The following TULP4 variants were observed in gnomAD, a reference collection of about 807,000 sequenced individuals.
TULP4 encodes the protein TUB like protein 4.
In TULP4, 16 loss-of-function variants were observed where a neutral mutation model predicts 129.0. The ratio of observed to expected loss-of-function variants is 0.12; its 90% CI spans 0.08 to 0.19. The LOEUF (loss-of-function observed/expected upper bound fraction) is 0.19. Ranked by LOEUF, TULP4 falls within the 10% of genes least tolerant of loss-of-function variation. TULP4 has a pLI of 1.00. For synonymous variants in TULP4, 998 were observed against 854.0 expected (o/e 1.17, Z -2.94); for missense variants, 1,842 against 2,059.1 (o/e 0.89, Z 2.04).
Position 158,423,330 on chromosome 6 carries a change from G to A in TULP4, c.382-6406G>A, listed in dbSNP as rs1317815599. On this transcript the variant is annotated intron_variant, in intron 2 of 13. Coordinates refer to ENST00000367097, the MANE Select transcript of TULP4 (RefSeq NM_020245.5). ...AGACTTCATCGAAATTTAATGATACGAAGTTACAGTTAGACAGGAAAATAA... is the reference window on the plus strand; with the variant it reads ...AGACTTCATCGAAATTTAATGATACAAAGTTACAGTTAGACAGGAAAATAA... Among the ~76,000 whole-genome samples, 4 of 152,182 alleles carry A rather than the reference G, an allele frequency of 2.6e-5. No individual in the cohort carries two copies. In the East Asian group the frequency reaches 7.7e-4, roughly 29 times the overall value.
At chr6:158,393,265 C>T (rs2114955534) in intron 1 of TULP4, among the ~76,000 whole-genome samples, 1 of 152,276 alleles carries the variant, frequency 6.6e-6, no homozygotes, top group South Asian at 2.1e-4. Flanking sequence ...AGGGTACAGC[C>T]CCCATGGCTG....
In TULP4 at chr6:158,331,780, C is replaced by CGTGTATAT. The variant is rs1450332063; in HGVS notation, c.252+17512_252+17513insGTGTATAT. 9.7e-4 allele frequency among the ~76,000 whole-genome samples: 44 copies of CGTGTATAT among 45,440 alleles called. 1 individual carries two copies. Among genetic ancestry groups the CGTGTATAT allele is most frequent in the Admixed American group, 1.3e-3 (4 of 2,970 alleles). 29.8% of individuals were successfully genotyped at this position (45,440 alleles called of 152,430 possible). A position where few individuals can be genotyped will look rare whatever the true frequency, so the allele number is the denominator to read the frequency against. On this transcript the variant is annotated intron_variant, in intron 1 of 13. Transcript: ENST00000367097. ...ACGTGTATATATACACGTATATATA[C>CGTGTATAT]ACACACACATACCTACATACACACA... is the stretch of plus-strand genomic sequence containing the variant.
upstream of TULP4, among the ~76,000 whole-genome samples, chr6:158,308,768 C>A (rs1475158211): frequency 7.1e-6 from 1 of 140,876 alleles, no homozygotes; most frequent in South Asian, 2.3e-4. Flanking sequence ...CTGACCCCCC[C>A]ACCTCCCTCC....
At chr6:158,425,695 C>T (rs564193254) in intron 2 of TULP4, among the ~76,000 whole-genome samples, 1 of 151,830 alleles carries the variant, frequency 6.6e-6, no homozygotes, top group Non-Finnish European at 1.5e-5. Flanking sequence ...CCTCCACCTC[C>T]CAGGTTCAAG....
chr6:158,259,186 C>T (rs573502250), intron 1 of TULP4, among the ~76,000 whole-genome samples: 21 of 152,302 alleles, frequency 1.4e-4, no homozygotes, highest in African/African-American at 4.6e-4. Flanking sequence ...GCCGAGGTTG[C>T]GCCATTGCAC....
intron 5 of TULP4, among the ~76,000 whole-genome samples, chr6:158,457,439 C>T (rs188368035): frequency 2.0e-5 from 3 of 152,274 alleles, no homozygotes; most frequent in East Asian, 1.9e-4. Flanking sequence ...TTTGCTTGGC[C>T]GTGGTTTGCT....
intron 1 of TULP4, among the ~76,000 whole-genome samples, chr6:158,283,286 A>C (rs903553198): frequency 2.6e-5 from 4 of 152,206 alleles, no homozygotes; most frequent in African/African-American, 9.7e-5. Context: ...TTATTGTTGT[A>C]ATAAAAGAAA....
chr6:158,372,713 A>G (rs1396456281), intron 1 of TULP4, among the ~76,000 whole-genome samples: 1 of 152,150 alleles, frequency 6.6e-6, no homozygotes, highest in Non-Finnish European at 1.5e-5. Context: ...CATGGCCCCC[A>G]TTGGCAATCA....
intron 8 of TULP4, among the ~76,000 whole-genome samples, chr6:158,487,865 A>G (rs1049295126): frequency 2.6e-5 from 4 of 152,234 alleles, no homozygotes; most frequent in African/African-American, 9.6e-5. Flanking sequence ...GAAAGTATTT[A>G]TCAAGTCTCA....
At position 158,503,979 on chromosome 6, in the gene TULP4, C is replaced by G; in HGVS notation, c.4316C>G (p.Ala1439Gly). The G allele has an allele frequency of 6.2e-7, 1 of 1,612,910 alleles. No individual in the cohort carries two copies. Among genetic ancestry groups the G allele is most frequent in the East Asian group, 2.2e-5 (1 of 44,868 alleles). Residue 1439 changes from alanine to glycine, a missense_variant, in exon 13 of 14, where the codon GCC becomes GGC. By Grantham distance (60) the Ala-to-Gly change is moderately conservative. This residue lies in a region of TULP4 where 1,089 missense variants were observed against 987.1 expected (regional missense o/e 1.10). Coordinates refer to ENST00000367097, the MANE Select transcript of TULP4 (RefSeq NM_020245.5). The surrounding 1 kb of genome is among the most constrained non-coding windows in gnomAD (Gnocchi z 4.3). ...AAAAGCAAGCGCTCCCCACGGGCCG[C>G]CGGCGAGCTGGAGGAGGCCAAGTGC... ...GWKSKRSPRA[A>G]GELEEAKCRR... is the part of the protein sequence containing the mutation.
chr6:158,269,226 G>A (rs1778503218), intron 1 of TULP4, among the ~76,000 whole-genome samples: 1 of 152,068 alleles, frequency 6.6e-6, no homozygotes, highest in Non-Finnish European at 1.5e-5. Flanking sequence ...CAGTGTTGTG[G>A]AGTGGAAATT....
chr6:158,492,475 A>C (rs147055657), intron 9 of TULP4, among the ~76,000 whole-genome samples: 115 of 152,320 alleles, frequency 7.5e-4, no homozygotes, highest in Middle Eastern at 3.4e-3. Context: ...TTAAAATTGC[A>C]TGTAACATTA....
At chr6:158,385,149 TAGAA>T (rs906345075) in intron 1 of TULP4, among the ~76,000 whole-genome samples, 2 of 152,064 alleles carry the variant, frequency 1.3e-5, no homozygotes, top group Admixed American at 1.3e-4. Context: ...CCAAGAAAAA[TAGAA>T]AGAGTGCATG....
At chr6:158,296,542 A>T (rs902413897) in intron 1 of TULP4, among the ~76,000 whole-genome samples, 3 of 152,108 alleles carry the variant, frequency 2.0e-5, no homozygotes, top group Admixed American at 6.5e-5. Context: ...AGAACTACTG[A>T]TAAGGGTCTA....
At chr6:158,273,100 A>G (rs1396873091) in intron 1 of TULP4, among the ~76,000 whole-genome samples, 8 of 152,216 alleles carry the variant, frequency 5.3e-5, no homozygotes, top group Non-Finnish European at 1.2e-4. Context: ...CCATTGTACT[A>G]TGATGTCCTT....
At chr6:158,358,304 G>T (rs913593415) in intron 1 of TULP4, among the ~76,000 whole-genome samples, 3 of 152,214 alleles carry the variant, frequency 2.0e-5, no homozygotes, top group Non-Finnish European at 1.5e-5. Context: ...GTGATTCTGT[G>T]TGTAAATTTT....
intron 1 of TULP4, chr6:158,237,938 T>C (rs1777750755): frequency 1.4e-6 from 1 of 728,004 alleles, no homozygotes; most frequent in Non-Finnish European, 2.6e-6. Context: ...TCTAGGTCAC[T>C]AATTGCCTCC....
At chr6:158,343,049 AG>A (rs1158502243) in intron 1 of TULP4, among the ~76,000 whole-genome samples, 30 of 151,640 alleles carry the variant, frequency 2.0e-4, no homozygotes, top group African/African-American at 6.5e-4. Flanking sequence ...CCACCACAGC[AG>A]GGAAAATGGA....
In TULP4 at chr6:158,427,471, C is replaced by CTTTTTTTTTTTTTT. The variant is rs557678837; in HGVS notation, c.382-2237_382-2224dup. 8.2e-4 allele frequency among the ~76,000 whole-genome samples: 61 copies of CTTTTTTTTTTTTTT among 74,132 alleles called. 10 individuals carry two copies. The highest frequency in any genetic ancestry group is 1.8e-3 in the South Asian group (3 of 1,642). 48.6% of individuals were successfully genotyped at this position (74,132 alleles called of 152,430 possible). On this transcript the variant is annotated intron_variant, in intron 2 of 13. Coordinates refer to ENST00000367097, the MANE Select transcript of TULP4 (RefSeq NM_020245.5). ...AAATTCCTTTTCAAAATTATCAGAC[C>CTTTTTTTTTTTTTT]TTTTTTTTTTTTTTTTTTTTTTTTT...
Sources: gnomAD v4.1 joint callset for allele counts (sites outside exome capture counted in the v4.1 genomes callset) on GRCh38, gnomAD v4.1.1 for gene constraint, gnomAD v4.1.1 regional missense constraint, Gnocchi (gnomAD v3.1) non-coding constraint, MANE v1.5 for transcripts, NCBI Gene and HGNC (gene_info 2026-07-23, HGNC 2026-07-21) for gene names.